The following MTHFD2L variants were observed in gnomAD, a reference collection of about 807,000 sequenced individuals.
The protein encoded by MTHFD2L is bifunctional methylenetetrahydrofolate dehydrogenase/cyclohydrolase 2, mitochondrial.
MTHFD2L carries 29 observed loss-of-function variants against 34.9 expected under a neutral mutation model. The ratio of observed to expected loss-of-function variants is 0.83; its 90% CI spans 0.62 to 1.13. The LOEUF (loss-of-function observed/expected upper bound fraction) is 1.13, where lower values mean the gene tolerates loss of function less well. Among genes scored for constraint, MTHFD2L ranks in the 50% most tolerant of loss-of-function variants. The pLI is 0.00. For missense variants in MTHFD2L, 481 were observed against 446.5 expected, an observed-to-expected ratio of 1.08 and a Z score of -0.70; for synonymous variants, 167 against 155.7, an observed-to-expected ratio of 1.07 and a Z score of -0.54.
intron 5 of MTHFD2L, among the ~76,000 whole-genome samples, chr4:74,216,962 AACACCC>A (rs1448963069): frequency 2.0e-5 from 3 of 151,736 alleles, no homozygotes; most frequent in Admixed American, 2.0e-4. Context: ...GTCTTCCTGT[AACACCC>A]ATGACAACAT....
intron 1 of MTHFD2L, among the ~76,000 whole-genome samples, chr4:74,128,735 AT>A (rs1343490654): frequency 6.6e-6 from 1 of 151,878 alleles, no homozygotes; most frequent in African/African-American, 2.4e-5. Context: ...AAATTTGAGA[AT>A]TTTTTTCTAT....
At chr4:74,216,569 T>C in intron 5 of MTHFD2L, among the ~76,000 whole-genome samples, 1 of 151,754 alleles carries the variant, frequency 6.6e-6, no homozygotes, top group African/African-American at 2.4e-5. Context: ...CTATCTCCTG[T>C]ATACTTTAGA....
intron 1 of MTHFD2L, among the ~76,000 whole-genome samples, chr4:74,150,000 G>T (rs1723834690): frequency 6.6e-6 from 1 of 152,122 alleles, no homozygotes; most frequent in Non-Finnish European, 1.5e-5. Context: ...GTAAGTAAAA[G>T]AGAGAGACAG....
At chr4:74,145,079 A>C (rs1157958410) in intron 1 of MTHFD2L, among the ~76,000 whole-genome samples, 1 of 152,102 alleles carries the variant, frequency 6.6e-6, no homozygotes, top group Non-Finnish European at 1.5e-5. Context: ...TATAATCTTG[A>C]AATAGAGAAA....
At chr4:74,257,491 A>G (rs1017084516) in intron 6 of MTHFD2L, among the ~76,000 whole-genome samples, 1 of 152,226 alleles carries the variant, frequency 6.6e-6, no homozygotes, top group African/African-American at 2.4e-5. Context: ...TCTTAATAAC[A>G]GACAAAATAG....
At chr4:74,164,621 G>A (rs1359221764) in intron 1 of MTHFD2L, among the ~76,000 whole-genome samples, 1 of 152,192 alleles carries the variant, frequency 6.6e-6, no homozygotes, top group South Asian at 2.1e-4. Flanking sequence ...ATCCTCTTAT[G>A]TAATGTAAGG....
At chr4:74,213,244 G>A (rs1369023978) in intron 5 of MTHFD2L, among the ~76,000 whole-genome samples, 1 of 152,098 alleles carries the variant, frequency 6.6e-6, no homozygotes, top group Non-Finnish European at 1.5e-5. Context: ...TCATTATGAT[G>A]CTAGCTGGTT....
At chr4:74,237,906 T>C (rs576457939) in intron 6 of MTHFD2L, among the ~76,000 whole-genome samples, 5 of 152,342 alleles carry the variant, frequency 3.3e-5, no homozygotes, top group Non-Finnish European at 5.9e-5. Context: ...ACCATTGCTT[T>C]ACTTTCTACT....
At chr4:74,155,894 C>T (rs1442475562), upstream of MTHFD2L, among the ~76,000 whole-genome samples, 2 of 114,750 alleles carry the variant, frequency 1.7e-5, no homozygotes, top group African/African-American at 3.3e-5. Flanking sequence ...ACTGAAAAAG[C>T]CATTCCATGT....
At chr4:74,147,969 A>T (rs1723698432) in intron 1 of MTHFD2L, among the ~76,000 whole-genome samples, 1 of 151,442 alleles carries the variant, frequency 6.6e-6, no homozygotes, top group Admixed American at 6.6e-5. Context: ...TTGCTTTTTC[A>T]CTCTGTTGAT....
rs189925512 is a variant in MTHFD2L, at chr4:74,211,731, A to G, written c.712+10361A>G. Among the ~76,000 whole-genome samples, 9 of 151,742 alleles carry G rather than the reference A, an allele frequency of 5.9e-5. No homozygotes were observed. The East Asian group carries it at 1.5e-3, about 26-fold the overall frequency. On this transcript the variant is annotated intron_variant, in intron 5 of 7. Transcript: ENST00000325278. ...GTTAAGGGGGAGTCCCTCTTTTTCT[A>G]TTGTGTGGAATAGTTTCAGAAGGAA...
At position 74,174,614 on chromosome 4, in the gene MTHFD2L, C is replaced by A. The variant is rs201418698; in HGVS notation, c.252C>A (p.Leu84=). Residue 84 remains leucine, a synonymous_variant, in exon 2 of 8, where the codon CTC becomes CTA. Coordinates refer to ENST00000325278, the MANE Select transcript of MTHFD2L (RefSeq NM_001144978.3). ...CCCTTGGAAACAGAAGACCTCACCT[C>A]AGTATAATTTTAGTGGGAGATAACC... The part of the protein sequence containing the change: ...WVSLGNRRPH[L]SIILVGDNPA... The A allele has an allele frequency of 6.2e-7, 1 of 1,605,128 alleles. No homozygotes were observed. The highest frequency in any genetic ancestry group is 1.3e-5 in the African/African-American group (1 of 74,196).
chr4:74,135,675 C>T (rs770584480), intron 1 of MTHFD2L, among the ~76,000 whole-genome samples: 1 of 129,936 alleles, frequency 7.7e-6, no homozygotes, highest in Non-Finnish European at 1.6e-5. Context: ...TACTGTGATA[C>T]CAAAACCAGA....
intron 3 of MTHFD2L, among the ~76,000 whole-genome samples, chr4:74,179,085 A>G (rs186325268): frequency 6.0e-4 from 92 of 152,194 alleles, no homozygotes; most frequent in African/African-American, 1.9e-3. Flanking sequence ...TCTTCATTTT[A>G]TAGTTAAAGA....
At position 74,218,296 on chromosome 4, in the gene MTHFD2L, A is replaced by G. The variant is rs117038186; in HGVS notation, c.713-7006A>G. On this transcript the variant is annotated intron_variant, in intron 5 of 7. Coordinates refer to ENST00000325278, the MANE Select transcript of MTHFD2L (RefSeq NM_001144978.3). ...GAGTTGCATAGGAAAACATCTTACT[A>G]TAGGAGTAAAAGACACAGAATCCAG... is the stretch of plus-strand genomic sequence containing the variant. Among the ~76,000 whole-genome samples the G allele has an allele frequency of 3.5e-4, 54 of 152,276 alleles. No homozygotes were observed. In the East Asian group the frequency reaches 5.8e-3, roughly 16 times the overall value.
At chr4:74,222,457 T>TGCAA (rs1738372639) in intron 5 of MTHFD2L, among the ~76,000 whole-genome samples, 1 of 152,120 alleles carries the variant, frequency 6.6e-6, no homozygotes, top group Admixed American at 6.6e-5. Context: ...AACCCACTCC[T>TGCAA]GCAATAACAG....
intron 7 of MTHFD2L, among the ~76,000 whole-genome samples, chr4:74,292,380 T>G (rs894454661): frequency 6.6e-6 from 1 of 152,236 alleles, no homozygotes; most frequent in Non-Finnish European, 1.5e-5. Context: ...GTGATGAGTT[T>G]TTTTTTATAG....
intron 6 of MTHFD2L, chr4:74,241,596 T>C: frequency 2.2e-6 from 1 of 447,046 alleles, no homozygotes; most frequent in South Asian, 1.6e-5. Context: ...CCAGGACCTC[T>C]CCAACTCCTG....
rs537718946 is a variant in MTHFD2L at position 74,260,955 on chromosome 4, A to C, written c.806-20470A>C. Among the ~76,000 whole-genome samples, 3 of 152,012 alleles carry C rather than the reference A, an allele frequency of 2.0e-5. No individual in the cohort carries two copies. In the South Asian group the frequency reaches 6.2e-4, roughly 32 times the overall value. On this transcript the variant is annotated intron_variant, in intron 6 of 7. Transcript: ENST00000325278. ...ACAATTAAAAATCTCATTTTAAGCT[A>C]TCAATATTTGGTGCTTTAAAAAAAT...
Sources: allele counts gnomAD v4.1 joint callset (sites outside exome capture counted in the v4.1 genomes callset), GRCh38; gene constraint gnomAD v4.1.1; transcripts MANE v1.5; gene names NCBI Gene and HGNC (gene_info 2026-07-23, HGNC 2026-07-21).